Variants in ZNF227 observed in about 807,000 individuals in gnomAD.
The protein encoded by ZNF227 is zinc finger protein 227.
Under a neutral mutation model 13.2 loss-of-function variants are expected in ZNF227, and 12 were observed. That is an observed-to-expected ratio of 0.91 (90% CI 0.58 to 1.47). The LOEUF is 1.47. Ranked by LOEUF, ZNF227 falls within the 40% of genes most tolerant of loss-of-function variation. The pLI, the probability that ZNF227 is intolerant of heterozygous loss-of-function variation, is 0.00. For missense variants in ZNF227, 885 were observed against 967.5 expected, an observed-to-expected ratio of 0.91 and a Z score of 1.13; for synonymous variants, 338 against 326.0, an observed-to-expected ratio of 1.04 and a Z score of -0.40.
intron 3 of ZNF227, 144 bp from the exon 4 acceptor site, chr19:44,228,302 G>A: frequency 2.2e-6 from 2 of 910,064 alleles, no homozygotes; most frequent in Non-Finnish European, 3.3e-6. Flanking sequence ...AGTGAGACAG[G>A]GAAAACTGTA....
chr19:44,233,916 G>C (rs1320435258), intron 5 of ZNF227, among the ~76,000 whole-genome samples: 1 of 152,024 alleles, frequency 6.6e-6, no homozygotes, highest in East Asian at 1.9e-4. Flanking sequence ...ATGGCGTATG[G>C]TGGTACCGTT....
intron 3 of ZNF227, among the ~76,000 whole-genome samples, chr19:44,224,187 A>C (rs1972852150): frequency 6.6e-6 from 1 of 152,192 alleles, no homozygotes; most frequent in African/African-American, 2.4e-5. Context: ...CTTTACTTCC[A>C]ACTATGTGGT....
intron 2 of ZNF227, among the ~76,000 whole-genome samples, chr19:44,214,561 A>G (rs1159708875): frequency 1.3e-5 from 2 of 152,062 alleles, no homozygotes; most frequent in Non-Finnish European, 2.9e-5. Context: ...TATTTTTAGT[A>G]GAGACGGGGT....
At chr19:44,227,883 T>C (rs1345771136) in intron 3 of ZNF227, among the ~76,000 whole-genome samples, 1 of 152,106 alleles carries the variant, frequency 6.6e-6, no homozygotes, top group East Asian at 1.9e-4. Flanking sequence ...CAGGAAGAGC[T>C]ATATACCTGT....
intron 3 of ZNF227, among the ~76,000 whole-genome samples, chr19:44,224,971 A>C (rs1288818305): frequency 3.9e-5 from 6 of 152,122 alleles, no homozygotes; most frequent in South Asian, 2.1e-4. Context: ...TGGTGGTGAC[A>C]AAATCTCTCA....
chr19:44,235,511 T>G lies in ZNF227; in HGVS notation c.1081T>G (p.Phe361Val). ...PYKCEECGKC[F>V]SQSSNFQCHQ... ...TAAATGCGAGGAATGTGGTAAATGC[T>G]TTAGTCAAAGTTCAAATTTTCAGTG... The change falls in exon 6 of 6, where the codon TTT becomes GTT. Residue 361 changes from phenylalanine to valine, a missense_variant. Transcript: ENST00000313040. The G allele has an allele frequency of 6.2e-7, 1 of 1,614,148 alleles. No homozygotes were observed. The highest frequency in any genetic ancestry group is 8.5e-7 in the Non-Finnish European group (1 of 1,180,034).
At chr19:44,214,595 C>G (rs1425653845) in intron 2 of ZNF227, among the ~76,000 whole-genome samples, 1 of 152,096 alleles carries the variant, frequency 6.6e-6, no homozygotes, top group African/African-American at 2.4e-5. Context: ...CCAGGCTAAT[C>G]TTGAACTCTT....
chr19:44,235,401 A>G lies in ZNF227; in HGVS notation c.971A>G (p.Tyr324Cys). 1.9e-6 allele frequency: 3 copies of G among 1,614,202 alleles called. No homozygotes were observed. Among genetic ancestry groups the G allele is most frequent in the South Asian group, 2.2e-5 (2 of 91,088 alleles). Reference sequence around the variant, plus strand: ...TCTAATCATACAGGAGAGAAGTCTTATAGATGCGACAGTTGCGGCAAGGGA... The same window carrying G: ...TCTAATCATACAGGAGAGAAGTCTTGTAGATGCGACAGTTGCGGCAAGGGA... ...YQSNHTGEKS[Y>C]RCDSCGKGFS... is the part of the protein sequence containing the mutation. The change falls in exon 6 of 6, where the codon TAT becomes TGT. Residue 324 changes from tyrosine to cysteine, a missense_variant. Tyr to Cys is a radical substitution (Grantham distance 194, BLOSUM62 -2). Coordinates refer to ENST00000313040, the MANE Select transcript of ZNF227 (RefSeq NM_182490.3).
chr19:44,220,378 T>C (rs1451626363), intron 3 of ZNF227, among the ~76,000 whole-genome samples: 2 of 152,158 alleles, frequency 1.3e-5, no homozygotes, highest in East Asian at 3.8e-4. Context: ...ATGGTTGAAC[T>C]AGTTTACAGT....
intron 5 of ZNF227, 76 bp downstream of exon 5, chr19:44,229,892 T>C: frequency 9.8e-7 from 1 of 1,020,414 alleles, no homozygotes; most frequent in Non-Finnish European, 1.4e-6. Context: ...GTCCATGACC[T>C]CCCTGGTCTG....
In ZNF227 at chr19:44,235,808, G is replaced by A; in HGVS notation, c.1378G>A (p.Gly460Arg). ...PLICHRRVHT[G>R]EKPYKCEACG... is the part of the protein sequence containing the mutation. ...AATATGCCATCGGAGAGTCCACACA[G>A]GAGAGAAGCCATACAAGTGTGAGGC... Residue 460 changes from glycine (G) to arginine (R), a missense_variant, in exon 6 of 6, where the codon GGA becomes AGA. By Grantham distance (125) the Gly-to-Arg change is moderately radical. Coordinates refer to ENST00000313040, the MANE Select transcript of ZNF227 (RefSeq NM_182490.3). 6.2e-7 allele frequency: 1 copy of A among 1,614,000 alleles called. No homozygotes were observed. The highest frequency in any genetic ancestry group is 1.1e-5 in the South Asian group (1 of 91,070).
chr19:44,228,010 T>C (rs1973356266), intron 3 of ZNF227, among the ~76,000 whole-genome samples: 1 of 151,944 alleles, frequency 6.6e-6, no homozygotes, highest in African/African-American at 2.4e-5. Flanking sequence ...GGGCAGATCA[T>C]TGGAGGTCAG....
At chr19:44,228,351 C>G in intron 3 of ZNF227, 95 bp from the exon 4 acceptor site, 2 of 1,446,910 alleles carry the variant, frequency 1.4e-6, no homozygotes, top group Non-Finnish European at 1.9e-6. Flanking sequence ...GAATCTATAA[C>G]AACTTTTTTG....
upstream of ZNF227, among the ~76,000 whole-genome samples, chr19:44,210,494 G>C (rs769507426): frequency 3.2e-4 from 48 of 152,196 alleles, no homozygotes; most frequent in Non-Finnish European, 5.4e-4. Flanking sequence ...TGTAATATTA[G>C]CTACTACACA....
intron 3 of ZNF227, among the ~76,000 whole-genome samples, chr19:44,223,786 T>C (rs1972805279): frequency 6.6e-6 from 1 of 152,110 alleles, no homozygotes; most frequent in Admixed American, 6.6e-5. Context: ...CTGATTTTAG[T>C]TATTTCTTGC....
At chr19:44,228,908 G>C in intron 4 of ZNF227, 1 of 356,622 alleles carries the variant, frequency 2.8e-6, no homozygotes, top group Non-Finnish European at 5.0e-6. Flanking sequence ...GCACAGGACA[G>C]TGCCCCCAAC....
intron 3 of ZNF227, among the ~76,000 whole-genome samples, chr19:44,220,369 T>A (rs892459495): frequency 5.3e-4 from 80 of 152,158 alleles, no homozygotes; most frequent in Admixed American, 1.1e-3. Flanking sequence ...ACTTCCACAA[T>A]GGTTGAACTA....
upstream of ZNF227, among the ~76,000 whole-genome samples, chr19:44,211,317 A>ACATAT (rs1380118859): frequency 2.0e-5 from 3 of 152,196 alleles, no homozygotes; most frequent in Non-Finnish European, 4.4e-5. Flanking sequence ...CCTGGCACAT[A>ACATAT]CTTGGTTCTT....
At chr19:44,228,267 C>A in intron 3 of ZNF227, 179 bp from the exon 4 acceptor site, 1 of 601,454 alleles carries the variant, frequency 1.7e-6, no homozygotes, top group Non-Finnish European at 2.7e-6. Context: ...AAACTACAGG[C>A]TTTATGGGGA....
Sources: allele counts gnomAD v4.1 joint callset (sites outside exome capture counted in the v4.1 genomes callset), GRCh38; gene constraint gnomAD v4.1.1; transcripts MANE v1.5; gene names NCBI Gene and HGNC (gene_info 2026-07-23, HGNC 2026-07-21).